Variants in UTRN observed in about 807,000 individuals in gnomAD.
UTRN encodes utrophin, also known as dystrophin-related protein 1.
UTRN carries 283 observed loss-of-function variants against 463.9 expected under a neutral mutation model. The ratio of observed to expected loss-of-function variants is 0.61; its 90% CI spans 0.55 to 0.67. The LOEUF (loss-of-function observed/expected upper bound fraction) is 0.67, where lower values mean the gene tolerates loss of function less well. UTRN is among the 30% of genes least tolerant of loss of function. UTRN has a pLI of 0.00. For missense variants in UTRN, 3,922 were observed against 4,084.3 expected (o/e 0.96, Z 1.08); for synonymous variants, 1,442 against 1,431.5 (o/e 1.01, Z -0.17).
chr6:144,320,974 C>T (rs1046417694), intron 2 of UTRN, among the ~76,000 whole-genome samples: 3 of 151,576 alleles, frequency 2.0e-5, no homozygotes, highest in Admixed American at 6.6e-5. Flanking sequence ...CAGACAAGCT[C>T]GCTGTGCAGC....
At chr6:144,341,276 G>A (rs148822185) in intron 2 of UTRN, among the ~76,000 whole-genome samples, 8 of 152,166 alleles carry the variant, frequency 5.3e-5, no homozygotes, top group African/African-American at 1.7e-4. Flanking sequence ...AAGGAAAAAA[G>A]TTTTTATTTT....
rs1216048605 is a variant in UTRN at position 144,742,982 on chromosome 6, C to T, written c.7940-5264C>T. On this transcript the variant is annotated intron_variant, in intron 54 of 74. Coordinates refer to ENST00000367545, the MANE Select transcript of UTRN (RefSeq NM_007124.3). ...CCTGAAATGACTTTGTAAGGTTGAT[C>T]CTTCTATTTCACAATAGTTTTTTTG... 2.0e-5 allele frequency among the ~76,000 whole-genome samples: 3 copies of T among 152,174 alleles called. No individual in the cohort carries two copies. The South Asian group carries it at 6.2e-4, about 32-fold the overall frequency.
intron 53 of UTRN, among the ~76,000 whole-genome samples, chr6:144,719,915 T>TCCA (rs1233209918): frequency 6.6e-6 from 1 of 152,240 alleles, no homozygotes; most frequent in Non-Finnish European, 1.5e-5. Context: ...ATTTGGATAA[T>TCCA]GGCTTTAGAT....
At chr6:144,792,047 G>C (rs1414425631) in intron 62 of UTRN, among the ~76,000 whole-genome samples, 1 of 152,138 alleles carries the variant, frequency 6.6e-6, no homozygotes, top group African/African-American at 2.4e-5. Context: ...GTTTTTAATG[G>C]AAAGAAATAA....
At chr6:144,504,075 T>C (rs1313529694) in intron 34 of UTRN, among the ~76,000 whole-genome samples, 1 of 152,226 alleles carries the variant, frequency 6.6e-6, no homozygotes, top group East Asian at 1.9e-4. Context: ...TGTGATTTTT[T>C]GCACATTGAT....
intron 2 of UTRN, among the ~76,000 whole-genome samples, chr6:144,388,598 A>G (rs1290155590): frequency 3.3e-5 from 5 of 151,976 alleles, no homozygotes; most frequent in Non-Finnish European, 7.4e-5. Context: ...CCCCAGATTC[A>G]GGTGATCTTC....
intron 23 of UTRN, among the ~76,000 whole-genome samples, chr6:144,464,686 G>C (rs1218556980): frequency 6.6e-6 from 1 of 152,018 alleles, no homozygotes; most frequent in South Asian, 2.1e-4. Flanking sequence ...TTTTAGTAGA[G>C]ATGAGGTTTT....
intron 15 of UTRN, 61 bp downstream of exon 15, chr6:144,447,379 C>T: frequency 6.6e-7 from 1 of 1,512,326 alleles, no homozygotes; most frequent in Non-Finnish European, 9.0e-7. Flanking sequence ...TGTTTTATAG[C>T]TAATGGTTAG....
chr6:144,727,481 A>T (rs779450951), intron 53 of UTRN, among the ~76,000 whole-genome samples: 12 of 152,224 alleles, frequency 7.9e-5, no homozygotes, highest in African/African-American at 1.2e-4. Context: ...CTCCTGAGCC[A>T]GGCGTGGTGG....
chr6:144,676,513 C>T (rs1362854330), intron 51 of UTRN, among the ~76,000 whole-genome samples: 1 of 150,270 alleles, frequency 6.7e-6, no homozygotes, highest in Non-Finnish European at 1.5e-5. Flanking sequence ...TTTTTGCTGA[C>T]ACGTTAAAAG....
At chr6:144,607,743 A>G (rs77612787) in intron 51 of UTRN, among the ~76,000 whole-genome samples, 7 of 152,310 alleles carry the variant, frequency 4.6e-5, no homozygotes, top group African/African-American at 1.7e-4. Context: ...TTATTTTGGT[A>G]GTTTCTTGTC....
intron 2 of UTRN, among the ~76,000 whole-genome samples, chr6:144,334,696 T>G (rs1303791098): frequency 6.6e-6 from 1 of 152,174 alleles, no homozygotes; most frequent in Non-Finnish European, 1.5e-5. Flanking sequence ...TAAACATAAC[T>G]TTGACATCTC....
intron 51 of UTRN, among the ~76,000 whole-genome samples, chr6:144,669,693 G>T (rs1309123491): frequency 6.6e-6 from 1 of 152,074 alleles, no homozygotes; most frequent in Non-Finnish European, 1.5e-5. Flanking sequence ...CACCCAAGCA[G>T]TGTACACTGA....
intron 9 of UTRN, among the ~76,000 whole-genome samples, chr6:144,433,455 C>T (rs1359445074): frequency 6.6e-6 from 1 of 152,004 alleles, no homozygotes; most frequent in Admixed American, 6.5e-5. Context: ...AGGGGCTCCT[C>T]ACTTCTCAGA....
chr6:144,546,309 G>A (rs1055012020), intron 46 of UTRN, among the ~76,000 whole-genome samples: 6 of 152,112 alleles, frequency 3.9e-5, no homozygotes, highest in African/African-American at 1.4e-4. Context: ...AGCATTACCA[G>A]CACCTCAACA....
intron 55 of UTRN, among the ~76,000 whole-genome samples, chr6:144,750,604 A>G (rs1358496664): frequency 6.6e-6 from 1 of 152,216 alleles, no homozygotes. Context: ...GGATGTTTAC[A>G]ACACCTACTA....
intron 51 of UTRN, among the ~76,000 whole-genome samples, chr6:144,619,188 A>G (rs1464754062): frequency 6.6e-6 from 1 of 152,318 alleles, no homozygotes; most frequent in Non-Finnish European, 1.5e-5. Flanking sequence ...AACAAAATTC[A>G]TATCAAATTG....
intron 2 of UTRN, among the ~76,000 whole-genome samples, chr6:144,308,588 C>T (rs192254610): frequency 2.1e-4 from 32 of 152,224 alleles, no homozygotes; most frequent in East Asian, 7.7e-4. Flanking sequence ...CCACCATGCC[C>T]GGCTGACTTT....
At chr6:144,635,517 T>TC (rs1777048818) in intron 51 of UTRN, among the ~76,000 whole-genome samples, 1 of 80,768 alleles carries the variant, frequency 1.2e-5, no homozygotes, top group Admixed American at 1.5e-4. Context: ...TTTTTTTCTT[T>TC]TTTTTTTTTT....
Sources: allele counts gnomAD v4.1 joint callset (sites outside exome capture counted in the v4.1 genomes callset), GRCh38; gene constraint gnomAD v4.1.1; transcripts MANE v1.5; gene names NCBI Gene and HGNC (gene_info 2026-07-23, HGNC 2026-07-21).